USP40: variants seen among roughly 807,000 people sequenced by gnomAD.
USP40 encodes the protein ubiquitin carboxyl-terminal hydrolase 40.
Under a neutral mutation model 166.2 loss-of-function variants are expected in USP40, and 143 were observed. The observed-to-expected ratio is 0.86, with a 90% CI of 0.75 to 0.99. The LOEUF (loss-of-function observed/expected upper bound fraction) is 0.99, where lower values mean the gene tolerates loss of function less well. Among genes scored for constraint, USP40 ranks in the 50% least tolerant of loss-of-function variants. USP40 has a pLI of 0.00. For missense variants in USP40, 1,444 were observed against 1,479.7 expected (o/e 0.98, Z 0.40); for synonymous variants, 498 against 524.0 (o/e 0.95, Z 0.68).
chr2:233,488,305 C>T lies in USP40; in HGVS notation c.3132-1G>A. 5 of 1,593,610 alleles carry T rather than the reference C, an allele frequency of 3.1e-6. No individual in the cohort carries two copies. The highest frequency in any genetic ancestry group is 1.1e-5 in the South Asian group (1 of 87,204). ...AATTCTCCGTCCTAGTTTATATTCC[C>T]TGATAATAAGTGAAACAAGATAATA... On this transcript the variant is annotated splice_acceptor_variant, in intron 27 of 31. Transcript: ENST00000678225. LOFTEE classifies it high-confidence loss of function.
chr2:233,511,928 C>CAA, intron 19 of USP40, 131 bp from the exon 20 acceptor site: 3 of 681,684 alleles, frequency 4.4e-6, no homozygotes, highest in Non-Finnish European at 4.8e-6. Flanking sequence ...GCACTTCAGA[C>CAA]AAAAGGATTA....
At chr2:233,479,177 TG>T (rs1254699122) in intron 31 of USP40, among the ~76,000 whole-genome samples, 2 of 152,208 alleles carry the variant, frequency 1.3e-5, no homozygotes, top group Non-Finnish European at 2.9e-5. Context: ...GGGGAACTAT[TG>T]GATGTCTCCA....
At chr2:233,544,782 A>T (rs1366899923) in intron 8 of USP40, among the ~76,000 whole-genome samples, 1 of 152,210 alleles carries the variant, frequency 6.6e-6, no homozygotes, top group Non-Finnish European at 1.5e-5. Flanking sequence ...CCTAGAAAAA[A>T]AATCCACCTT....
At chr2:233,513,932 A>C (rs1346964507) in intron 18 of USP40, among the ~76,000 whole-genome samples, 1 of 152,212 alleles carries the variant, frequency 6.6e-6, no homozygotes, top group African/African-American at 2.4e-5. Context: ...ATTAGACCAC[A>C]GCAGAATCCC....
rs1288582137 is a variant in USP40, at chr2:233,560,735, C to T, written c.268-811G>A. 9 of 370,692 alleles carry T rather than the reference C, an allele frequency of 2.4e-5. No homozygotes were observed. The East Asian group carries it at 3.0e-4, about 12-fold the overall frequency. The allele number at this position is 370,692 out of a possible 1,614,324, so 23.0% of individuals were successfully genotyped here. On this transcript the variant is annotated intron_variant, in intron 3 of 31. Coordinates refer to ENST00000678225, the MANE Select transcript of USP40 (RefSeq NM_001365479.2). ...CTTTAAATATCACCACAATAACAAACAAAATAATTAACTCATTACTCAATT... is the reference window on the plus strand; with the variant it reads ...CTTTAAATATCACCACAATAACAAATAAAATAATTAACTCATTACTCAATT...
In USP40 at chr2:233,485,981, TACC is replaced by T; in HGVS notation, c.3198-7_3198-5del. ...CCTCAGCAGCACGTCCTGGGGGCTG[TACC>T]AGAAAACCGTCAAGCGCCAGATCCA... is the stretch of plus-strand genomic sequence containing the variant. On this transcript the variant is annotated splice_region_variant and splice_polypyrimidine_tract_variant and intron_variant, in intron 28 of 31. Coordinates refer to ENST00000678225, the MANE Select transcript of USP40 (RefSeq NM_001365479.2). 6.4e-7 allele frequency: 1 copy of T among 1,565,726 alleles called. No individual in the cohort carries two copies. Among genetic ancestry groups the T allele is most frequent in the Non-Finnish European group, 8.6e-7 (1 of 1,159,016 alleles).
At chr2:233,478,195 GTTT>G (rs1362239731) in intron 31 of USP40, among the ~76,000 whole-genome samples, 7 of 152,254 alleles carry the variant, frequency 4.6e-5, no homozygotes, top group African/African-American at 1.7e-4. Flanking sequence ...ACGCGTCCAT[GTTT>G]TTGAGGAGTA....
intron 4 of USP40, among the ~76,000 whole-genome samples, 171 bp downstream of exon 4, chr2:233,559,640 A>G (rs1426914760): frequency 6.6e-6 from 1 of 152,210 alleles, no homozygotes; most frequent in Non-Finnish European, 1.5e-5. Flanking sequence ...GTATACAGCA[A>G]GTGTCTAAAA....
chr2:233,566,771 T>G lies in USP40; in HGVS notation c.-107A>C, dbSNP rs967482869. The G allele has an allele frequency of 7.1e-6, 7 of 985,856 alleles. No homozygotes were observed. The Admixed American group carries it at 4.3e-4, about 61-fold the overall frequency. The allele number at this position is 985,856 out of a possible 1,614,324, so 61.1% of individuals were successfully genotyped here. On this transcript the variant is annotated 5_prime_UTR_variant, in exon 1 of 32. Transcript: ENST00000678225. ...GCGCCGCCATGTTGGCGAGGGCGGG[T>G]CTCCAGAAAGTGATTTATGGATCGT...
chr2:233,556,847 A>G lies in USP40; in HGVS notation c.546+8T>C, dbSNP rs745812538. 1.9e-6 allele frequency: 3 copies of G among 1,606,856 alleles called. No individual in the cohort carries two copies. Among genetic ancestry groups the G allele is most frequent in the South Asian group, 2.3e-5 (2 of 88,880 alleles). ...TAACTTATTACTAAAATACTCTGGC[A>G]TATTTACCTGCCTCTCGCTAACGTT... On this transcript the variant is annotated splice_region_variant and intron_variant, in intron 5 of 31. Transcript: ENST00000678225.
intron 6 of USP40, among the ~76,000 whole-genome samples, chr2:233,552,082 C>T (rs949907862): frequency 1.1e-4 from 17 of 151,792 alleles, no homozygotes; most frequent in African/African-American, 4.1e-4. Context: ...TGTGCCCAAC[C>T]TCTTGGATTA....
rs188487360 is a variant in USP40, at chr2:233,491,240, G to C, written c.2939C>G (p.Ala980Gly). Residue 980 changes from alanine (A) to glycine (G), a missense_variant, in exon 26 of 32, where the codon GCG becomes GGG. By Grantham distance (60) the Ala-to-Gly change is moderately conservative (BLOSUM62 0). Transcript: ENST00000678225. ...TCCCAAGTAGAGGAGAGAAACTTGC[G>C]CAGGCTCGTTCCCAGAAGCACCTTC... The part of the protein sequence containing the change: ...SSQGASGNEP[A>G]QVSLLYLGDI... 1 of 1,611,988 alleles carries C rather than the reference G, an allele frequency of 6.2e-7. No homozygotes were observed. Among genetic ancestry groups the C allele is most frequent in the Non-Finnish European group, 8.5e-7 (1 of 1,179,028 alleles).
chr2:233,524,347 C>A, intron 15 of USP40, 145 bp downstream of exon 15: 1 of 543,616 alleles, frequency 1.8e-6, no homozygotes, highest in South Asian at 2.6e-5. Flanking sequence ...CCAGGCTGGT[C>A]TTGAATTCCT....
rs142914321 is a variant in USP40 at position 233,482,615 on chromosome 2, C to T, written c.3505-1318G>A. ...TTTTTGTTTTTTTTTTTTTGACACA[C>T]GGTCTGACTCTGCCACCCTGGCTGG... On this transcript the variant is annotated intron_variant, in intron 30 of 31. Coordinates refer to ENST00000678225, the MANE Select transcript of USP40 (RefSeq NM_001365479.2). Among the ~76,000 whole-genome samples, 173 of 144,674 alleles carry T rather than the reference C, an allele frequency of 1.2e-3. 7 individuals are homozygous for T. The East Asian group carries it at 0.014, about 11-fold the overall frequency. 94.9% of individuals were successfully genotyped at this position (144,674 alleles called of 152,430 possible). A position where few individuals can be genotyped will look rare whatever the true frequency, so the allele number is the denominator to read the frequency against.
At chr2:233,556,163 C>T (rs1044823532) in intron 5 of USP40, among the ~76,000 whole-genome samples, 2 of 149,958 alleles carry the variant, frequency 1.3e-5, no homozygotes, top group East Asian at 3.9e-4. Context: ...TACAAATACA[C>T]AAACTTCCTT....
At chr2:233,487,016 G>A (rs1464594001) in intron 28 of USP40, among the ~76,000 whole-genome samples, 1 of 152,236 alleles carries the variant, frequency 6.6e-6, no homozygotes, top group African/African-American at 2.4e-5. Flanking sequence ...AAAAGCCCAT[G>A]GAAGGGGCCT....
chr2:233,487,377 G>C (rs879901771), intron 28 of USP40, among the ~76,000 whole-genome samples: 4 of 152,152 alleles, frequency 2.6e-5, no homozygotes, highest in Non-Finnish European at 5.9e-5. Flanking sequence ...TCATATTCTG[G>C]AACAACTTGC....
At position 233,555,660 on chromosome 2, in the gene USP40, G is replaced by A. The variant is rs796087525; in HGVS notation, c.547-1134C>T. Among the ~76,000 whole-genome samples the A allele has an allele frequency of 1.3e-3, 175 of 132,486 alleles. 1 individual carries two copies. The highest frequency in any genetic ancestry group is 4.7e-3 in the Middle Eastern group (1 of 214). The allele number at this position is 132,486 out of a possible 152,430, so 86.9% of individuals were successfully genotyped here. A position where few individuals can be genotyped will look rare whatever the true frequency, so the allele number is the denominator to read the frequency against. On this transcript the variant is annotated intron_variant, in intron 5 of 31. Transcript: ENST00000678225. ...TCTTTTTTTTTTTTTTTTTTGAGACGGAGCCTTGCTCTGCCACCAGGCTGG... is the reference window on the plus strand; with the variant it reads ...TCTTTTTTTTTTTTTTTTTTGAGACAGAGCCTTGCTCTGCCACCAGGCTGG...
At chr2:233,490,220 G>C (rs1160427022) in intron 26 of USP40, among the ~76,000 whole-genome samples, 1 of 137,312 alleles carries the variant, frequency 7.3e-6, no homozygotes, top group African/African-American at 2.7e-5. Context: ...CTGAAGTGCA[G>C]TGGCGCAATC....
Sources: allele counts gnomAD v4.1 joint callset (sites outside exome capture counted in the v4.1 genomes callset), GRCh38; gene constraint gnomAD v4.1.1; transcripts MANE v1.5; gene names NCBI Gene and HGNC (gene_info 2026-07-23, HGNC 2026-07-21).